FSHR: variants seen among roughly 807,000 people sequenced by gnomAD.
The protein encoded by FSHR is follicle-stimulating hormone receptor.
A neutral mutation model predicts 52.1 loss-of-function variants in FSHR; 46 were observed. The observed-to-expected ratio is 0.88, with a 90% confidence interval of 0.70 to 1.13. The LOEUF (loss-of-function observed/expected upper bound fraction) is 1.13, where lower values mean the gene tolerates loss of function less well. Ranked by LOEUF, FSHR falls within the 50% of genes most tolerant of loss-of-function variation. The pLI, the probability that FSHR is intolerant of heterozygous loss-of-function variation, is 0.00. For missense variants in FSHR, 964 were observed against 834.6 expected, an observed-to-expected ratio of 1.16 and a Z score of -1.91; for synonymous variants, 399 against 309.6, an observed-to-expected ratio of 1.29 and a Z score of -3.03.
chr2:48,973,707 G>T (rs115505615), intron 8 of FSHR, among the ~76,000 whole-genome samples: 1 of 152,222 alleles, frequency 6.6e-6, no homozygotes, highest in Non-Finnish European at 1.5e-5. Context: ...TGCCTTTCAT[G>T]TAGTGAGTAC....
intron 6 of FSHR, 29 bp from the exon 7 acceptor site, chr2:48,983,195 A>G (rs779012746): frequency 1.1e-5 from 17 of 1,590,296 alleles, no homozygotes; most frequent in Non-Finnish European, 1.4e-5. Context: ...TAAAAAACCA[A>G]TAATGTCAGA....
At chr2:49,081,483 A>T (rs1670167504) in intron 1 of FSHR, among the ~76,000 whole-genome samples, 1 of 152,196 alleles carries the variant, frequency 6.6e-6, no homozygotes, top group African/African-American at 2.4e-5. Flanking sequence ...TCAAGATTGA[A>T]ATTCTCACCA....
chr2:49,082,634 A>G (rs1218330448), intron 1 of FSHR, among the ~76,000 whole-genome samples: 3 of 152,182 alleles, frequency 2.0e-5, no homozygotes, highest in Admixed American at 1.3e-4. Flanking sequence ...GATAACCAAT[A>G]CAGAGAAGTG....
rs867945343 is a variant in FSHR, at chr2:49,001,199, G to A, written c.375-10562C>T. On this transcript the variant is annotated intron_variant, in intron 4 of 9. Transcript: ENST00000406846. ...CCATAAGCTAGACACCATTGTAAAT[G>A]CCTTGCCTGTATTAAAGTCATTTAA... Among the ~76,000 whole-genome samples, 12 of 152,188 alleles carry A rather than the reference G, an allele frequency of 7.9e-5. No individual in the cohort carries two copies. The South Asian group carries it at 2.3e-3, about 29-fold the overall frequency.
At chr2:49,076,997 A>G (rs1053584218) in intron 1 of FSHR, among the ~76,000 whole-genome samples, 2 of 152,118 alleles carry the variant, frequency 1.3e-5, no homozygotes, top group East Asian at 3.9e-4. Flanking sequence ...TTCCAGCCAC[A>G]TGGTGCAAAC....
At chr2:49,015,828 C>T (rs1261792326) in intron 4 of FSHR, among the ~76,000 whole-genome samples, 1 of 152,144 alleles carries the variant, frequency 6.6e-6, no homozygotes, top group Non-Finnish European at 1.5e-5. Flanking sequence ...CTTGTTTAAG[C>T]ATTTCAAGAA....
Position 49,002,164 on chromosome 2 carries a change from A to G in FSHR, c.375-11527T>C, listed in dbSNP as rs138864384. 9.9e-3 allele frequency among the ~76,000 whole-genome samples: 1,500 copies of G among 152,260 alleles called. 20 individuals are homozygous for G. The highest frequency in any genetic ancestry group is 0.037 in the Middle Eastern group (11 of 294). On this transcript the variant is annotated intron_variant, in intron 4 of 9. Coordinates refer to ENST00000406846, the MANE Select transcript of FSHR (RefSeq NM_000145.4). Reference sequence around the variant, plus strand: ...TCTTTTGTAAGACTAGTTAATTAATACAAAGTAAAAGAGCTTTCTGCATTA... The same window carrying G: ...TCTTTTGTAAGACTAGTTAATTAATGCAAAGTAAAAGAGCTTTCTGCATTA...
chr2:48,976,155 G>A (rs774223966), intron 8 of FSHR, among the ~76,000 whole-genome samples: 3 of 152,090 alleles, frequency 2.0e-5, no homozygotes, highest in Admixed American at 6.5e-5. Flanking sequence ...TTTGAGATAC[G>A]GTCCATCAAT....
Position 49,047,954 on chromosome 2 carries a change from C to T in FSHR, c.224+20265G>A, listed in dbSNP as rs186898271. On this transcript the variant is annotated intron_variant, in intron 2 of 9. Transcript: ENST00000406846. ...AGTGCAATGGCACAATCTCAGCTCA[C>T]GGCAAACTCCGCCTCCCAGGTTCAA... 5.4e-3 allele frequency among the ~76,000 whole-genome samples: 819 copies of T among 152,300 alleles called. 7 individuals carry two copies. Among genetic ancestry groups the T allele is most frequent in the African/African-American group, 0.018 (751 of 41,560 alleles).
intron 1 of FSHR, among the ~76,000 whole-genome samples, chr2:49,129,007 T>A (rs1672166523): frequency 6.6e-6 from 1 of 151,904 alleles, no homozygotes; most frequent in African/African-American, 2.4e-5. Context: ...TGAAGGTCGT[T>A]AAAGCATATG....
At chr2:48,978,956 T>A (rs1675115028) in intron 8 of FSHR, among the ~76,000 whole-genome samples, 1 of 152,042 alleles carries the variant, frequency 6.6e-6, no homozygotes, top group Non-Finnish European at 1.5e-5. Flanking sequence ...ACTGAGCCAG[T>A]GAGGGAGGAA....
In FSHR at chr2:48,963,213, C is replaced by G; in HGVS notation, c.1608G>C (p.Val536=). 1 of 1,614,090 alleles carries G rather than the reference C, an allele frequency of 6.2e-7. No individual in the cohort carries two copies. The highest frequency in any genetic ancestry group is 8.5e-7 in the Non-Finnish European group (1 of 1,180,014). The part of the protein sequence containing the change: ...LSQLYVMSLL[V]LNVLAFVVIC... ...TGACCACAAAGGCCAGGACATTGAGCACAAGGAGGGACATGACATACAGCT... is the reference window on the plus strand; with the variant it reads ...TGACCACAAAGGCCAGGACATTGAGGACAAGGAGGGACATGACATACAGCT... Residue 536 remains valine, a synonymous_variant, in exon 10 of 10, where the codon GTG becomes GTC. Coordinates refer to ENST00000406846, the MANE Select transcript of FSHR (RefSeq NM_000145.4).
chr2:49,058,796 T>G (rs766494127), intron 2 of FSHR, among the ~76,000 whole-genome samples: 2 of 152,076 alleles, frequency 1.3e-5, no homozygotes, highest in African/African-American at 4.8e-5. Flanking sequence ...ATGAGGTAAA[T>G]TGAAAAGGAT....
At chr2:49,123,742 G>C (rs1319330900) in intron 1 of FSHR, among the ~76,000 whole-genome samples, 1 of 152,086 alleles carries the variant, frequency 6.6e-6, no homozygotes, top group Non-Finnish European at 1.5e-5. Context: ...CCCCAGGGGA[G>C]AGAGAGAGAA....
intron 1 of FSHR, among the ~76,000 whole-genome samples, chr2:49,134,892 A>C (rs1283012514): frequency 6.6e-6 from 1 of 152,142 alleles, no homozygotes; most frequent in Non-Finnish European, 1.5e-5. Flanking sequence ...AGGAAGGGGA[A>C]CATCACACTC....
At chr2:49,090,731 G>T (rs538468899) in intron 1 of FSHR, among the ~76,000 whole-genome samples, 22 of 152,256 alleles carry the variant, frequency 1.4e-4, no homozygotes, top group African/African-American at 5.1e-4. Flanking sequence ...GTTCTCAGGA[G>T]GTATTTATGA....
At chr2:49,050,812 C>T (rs1857706) in intron 2 of FSHR, among the ~76,000 whole-genome samples, 30,239 of 152,034 alleles carry the variant, frequency 0.2, 4,400 homozygotes, top group African/African-American at 0.4. Flanking sequence ...AACTCTTCCA[C>T]CTGTTACTAC....
At chr2:49,034,138 G>T (rs1188839453) in intron 2 of FSHR, among the ~76,000 whole-genome samples, 1 of 152,202 alleles carries the variant, frequency 6.6e-6, no homozygotes, top group Non-Finnish European at 1.5e-5. Context: ...TTTAATATCT[G>T]TAGGAGAACT....
chr2:49,031,690 G>A (rs13009588), intron 2 of FSHR, among the ~76,000 whole-genome samples: 41,070 of 151,992 alleles, frequency 0.27, 6,634 homozygotes, highest in Non-Finnish European at 0.36. Context: ...TTATCAGCCA[G>A]GCAGCAGAGG....
Sources: gnomAD v4.1 joint callset for allele counts (sites outside exome capture counted in the v4.1 genomes callset) on GRCh38, gnomAD v4.1.1 for gene constraint, MANE v1.5 for transcripts, NCBI Gene and HGNC (gene_info 2026-07-23, HGNC 2026-07-21) for gene names.